The following ZMYM6 variants were observed in gnomAD, a reference collection of about 807,000 sequenced individuals.
ZMYM6 encodes zinc finger MYM-type protein 6.
In ZMYM6, 90 loss-of-function variants were observed where a neutral mutation model predicts 134.0. The ratio of observed to expected loss-of-function variants is 0.67; its 90% CI spans 0.57 to 0.80. The LOEUF (loss-of-function observed/expected upper bound fraction) is 0.80. Ranked by LOEUF, ZMYM6 falls within the 30% of genes least tolerant of loss-of-function variation. The pLI is 0.00. For synonymous variants in ZMYM6, 481 were observed against 524.1 expected (o/e 0.92, Z 1.12); for missense variants, 1,362 against 1,533.9 (o/e 0.89, Z 1.87).
chr1:35,016,868 GCTGGCTC>G (rs1174058009), intron 4 of ZMYM6, among the ~76,000 whole-genome samples: 5 of 151,822 alleles, frequency 3.3e-5, no homozygotes, highest in Non-Finnish European at 5.9e-5. Flanking sequence ...AGCAGGGCAT[GCTGGCTC>G]ATGCCCATGG....
chr1:35,027,549 G>C (rs527661855), intron 2 of ZMYM6, among the ~76,000 whole-genome samples: 1 of 152,042 alleles, frequency 6.6e-6, no homozygotes, highest in African/African-American at 2.4e-5. Context: ...AGGAGTTCAG[G>C]ACCAGCCTGG....
chr1:35,013,435 AAAAGAC>A (rs1184600721), intron 6 of ZMYM6: 2 of 984,154 alleles, frequency 2.0e-6, no homozygotes, highest in Non-Finnish European at 2.4e-6. Flanking sequence ...CTTCCTAGTA[AAAAGAC>A]AGAGTACAAT....
chr1:35,016,522 C>A (rs920251426), intron 4 of ZMYM6, among the ~76,000 whole-genome samples: 5 of 151,994 alleles, frequency 3.3e-5, no homozygotes, highest in Non-Finnish European at 5.9e-5. Context: ...ATTCTTCTGA[C>A]AAGTATAAAA....
chr1:35,001,910 T>C (rs1344873431), intron 14 of ZMYM6, among the ~76,000 whole-genome samples: 1 of 152,242 alleles, frequency 6.6e-6, no homozygotes, highest in Non-Finnish European at 1.5e-5. Context: ...ATGACTCTAA[T>C]GTGGTTTGAG....
chr1:35,001,951 G>C (rs746488375), intron 14 of ZMYM6, among the ~76,000 whole-genome samples: 1 of 152,074 alleles, frequency 6.6e-6, no homozygotes, highest in Non-Finnish European at 1.5e-5. Context: ...TATCACTGAG[G>C]ATTTCTTGGT....
intron 14 of ZMYM6, among the ~76,000 whole-genome samples, chr1:34,998,482 T>C (rs2148446402): frequency 6.6e-6 from 1 of 152,284 alleles, no homozygotes; most frequent in Non-Finnish European, 1.5e-5. Context: ...ATGATCTGAT[T>C]TGGGTTTTTA....
Position 35,011,052 on chromosome 1 carries a change from T to C in ZMYM6, c.1063-16A>G, listed in dbSNP as rs1253417523. On this transcript the variant is annotated splice_polypyrimidine_tract_variant and intron_variant, in intron 8 of 15. Coordinates refer to ENST00000357182, the MANE Select transcript of ZMYM6 (RefSeq NM_007167.4). ...TAAATACATTCTGAATGAAAACAAA[T>C]AAGGTAAAGATTTTATCAACTGAGA... The C allele has an allele frequency of 1.9e-6, 3 of 1,606,116 alleles. No homozygotes were observed. The highest frequency in any genetic ancestry group is 2.2e-5 in the South Asian group (2 of 89,736).
Position 34,988,194 on chromosome 1 carries a change from T to G in ZMYM6, c.2888A>C (p.Lys963Thr), listed in dbSNP as rs956272432. ...TGFEIFELIN[K>T]YIDSKSLNWK... ...ATTCAGAGATTTACTATCAATATAT[T>G]TATTTATTAGTTCAAATATTTCAAA... is the stretch of plus-strand genomic sequence containing the variant. Residue 963 changes from lysine (K) to threonine (T), a missense_variant, in exon 16 of 16, where the codon AAA becomes ACA. Transcript: ENST00000357182. 4 of 1,548,404 alleles carry G rather than the reference T, an allele frequency of 2.6e-6. No individual in the cohort carries two copies. The highest frequency in any genetic ancestry group is 1.7e-4 in the Middle Eastern group (1 of 5,998).
intron 15 of ZMYM6, 142 bp from the exon 16 acceptor site, chr1:34,989,077 G>C: frequency 6.9e-7 from 1 of 1,446,386 alleles, no homozygotes; most frequent in Non-Finnish European, 9.0e-7. Flanking sequence ...TTAAGCACAA[G>C]TCATAATACT....
chr1:34,991,747 G>A (rs1187015060), intron 15 of ZMYM6, among the ~76,000 whole-genome samples: 1 of 151,940 alleles, frequency 6.6e-6, no homozygotes, highest in African/African-American at 2.4e-5. Context: ...TCCAGCCTGG[G>A]CAACAAGAGT....
chr1:34,989,039 T>G, intron 15 of ZMYM6, 104 bp from the exon 16 acceptor site: 1 of 1,505,040 alleles, frequency 6.6e-7, no homozygotes, highest in Non-Finnish European at 8.8e-7. Context: ...ACTATTTCTA[T>G]TTATCAAAAG....
chr1:35,006,053 G>A (rs1640960623), intron 12 of ZMYM6, among the ~76,000 whole-genome samples: 1 of 152,190 alleles, frequency 6.6e-6, no homozygotes, highest in African/African-American at 2.4e-5. Flanking sequence ...TGTAGCCCAG[G>A]CTGGAGTGCC....
intron 12 of ZMYM6, among the ~76,000 whole-genome samples, chr1:35,005,677 T>C (rs1640954154): frequency 6.7e-6 from 1 of 150,106 alleles, no homozygotes; most frequent in African/African-American, 2.5e-5. Flanking sequence ...CAGGATTCAC[T>C]GGACTGTTCT....
intron 6 of ZMYM6, chr1:35,013,414 C>T: frequency 2.0e-6 from 2 of 983,704 alleles, no homozygotes; most frequent in South Asian, 9.4e-5. Flanking sequence ...TGTGAGGTTT[C>T]ACTACATAAT....
chr1:35,031,757 T>G (rs1641531535), intron 1 of ZMYM6, 58 bp downstream of exon 1: 1 of 152,510 alleles, frequency 6.6e-6, no homozygotes, highest in Non-Finnish European at 1.5e-5. Context: ...CAACGCCTCG[T>G]CACGTGGTGT....
rs1640618324 is a variant in ZMYM6 at position 34,988,909 on chromosome 1, C to A, written c.2173G>T (p.Asp725Tyr). 1 of 1,611,856 alleles carries A rather than the reference C, an allele frequency of 6.2e-7. No individual in the cohort carries two copies. Among genetic ancestry groups the A allele is most frequent in the Non-Finnish European group, 8.5e-7 (1 of 1,179,608 alleles). ...GAAGGTGGAGAATCAAGTTCTGCAT[C>A]ATTTTTTTCATTAGGCATAGGTAAA... ...TDLPMPNEKN[D>Y]AELDSPPSKK... Residue 725 changes from aspartate (D) to tyrosine (Y), a missense_variant, in exon 16 of 16, where the codon GAT becomes TAT. Coordinates refer to ENST00000357182, the MANE Select transcript of ZMYM6 (RefSeq NM_007167.4).
chr1:34,992,510 G>T lies in ZMYM6; in HGVS notation c.1993-123C>A. 4 of 1,087,738 alleles carry T rather than the reference G, an allele frequency of 3.7e-6. No homozygotes were observed. The South Asian group carries it at 5.6e-5, about 15-fold the overall frequency. The allele number at this position is 1,087,738 out of a possible 1,614,324, so 67.4% of individuals were successfully genotyped here. A position where few individuals can be genotyped will look rare whatever the true frequency, so the allele number is the denominator to read the frequency against. On this transcript the variant is annotated intron_variant, in intron 14 of 15. Transcript: ENST00000357182. ...GAAATATAATTCCTCTGAAAGAGTG[G>T]TTGCAATAAAAAAGTCACCTTGGAA...
intron 14 of ZMYM6, among the ~76,000 whole-genome samples, chr1:35,003,180 C>CAAAAAA (rs202093628): frequency 4.8e-5 from 3 of 63,052 alleles, no homozygotes; most frequent in Non-Finnish European, 7.8e-5. Flanking sequence ...GACCCTGTCT[C>CAAAAAA]AAAAAAAAAA....
At chr1:35,000,883 G>A (rs185776255) in intron 14 of ZMYM6, among the ~76,000 whole-genome samples, 48 of 152,210 alleles carry the variant, frequency 3.2e-4, no homozygotes, top group Non-Finnish European at 5.7e-4. Context: ...ATCTAACAAT[G>A]GTTAATTCTG....
Sources: allele counts gnomAD v4.1 joint callset (sites outside exome capture counted in the v4.1 genomes callset), GRCh38; gene constraint gnomAD v4.1.1; transcripts MANE v1.5; gene names NCBI Gene and HGNC (gene_info 2026-07-23, HGNC 2026-07-21).